Variants in GFOD1 observed in about 807,000 individuals in gnomAD.
GFOD1 encodes Gfo/Idh/MocA-like oxidoreductase domain containing 1.
Under a neutral mutation model 25.4 loss-of-function variants are expected in GFOD1, and 9 were observed. That is an observed-to-expected ratio of 0.35 (90% confidence interval 0.21 to 0.62). GFOD1 has a LOEUF of 0.62. Ranked by LOEUF, GFOD1 falls within the 20% of genes least tolerant of loss-of-function variation. GFOD1 has a pLI of 0.72. For synonymous variants in GFOD1, 253 were observed against 245.6 expected (o/e 1.03, Z -0.28); for missense variants, 403 against 556.9 (o/e 0.72, Z 2.78).
chr6:13,372,461 C>T (rs922951480), intron 1 of GFOD1, among the ~76,000 whole-genome samples: 1 of 152,180 alleles, frequency 6.6e-6, no homozygotes, highest in Non-Finnish European at 1.5e-5. Context: ...GGCAGCTGCT[C>T]CCCTTATATC....
At chr6:13,409,901 C>T (rs1242532621) in intron 1 of GFOD1, among the ~76,000 whole-genome samples, 8 of 72,718 alleles carry the variant, frequency 1.1e-4, no homozygotes, top group South Asian at 6.0e-4. Context: ...CTAGCCTGGG[C>T]GACAGAGCGG....
At chr6:13,368,017 C>T (rs1785080312) in intron 1 of GFOD1, among the ~76,000 whole-genome samples, 1 of 152,156 alleles carries the variant, frequency 6.6e-6, no homozygotes, top group South Asian at 2.1e-4. Context: ...TGACAAAATC[C>T]ACGAACACTT....
At chr6:13,397,275 C>CTA (rs1785751503) in intron 1 of GFOD1, among the ~76,000 whole-genome samples, 1 of 152,208 alleles carries the variant, frequency 6.6e-6, no homozygotes, top group South Asian at 2.1e-4. Flanking sequence ...AAGCCTTACT[C>CTA]TAAAGCCCGG....
chr6:13,375,801 A>T (rs1042884588), intron 1 of GFOD1, among the ~76,000 whole-genome samples: 2 of 152,262 alleles, frequency 1.3e-5, no homozygotes, highest in South Asian at 2.1e-4. Context: ...ATTTTCTCAG[A>T]TTGCTTCGTG....
intron 1 of GFOD1, among the ~76,000 whole-genome samples, chr6:13,382,990 G>A (rs1031543764): frequency 1.8e-4 from 27 of 152,296 alleles, no homozygotes; most frequent in African/African-American, 5.8e-4. Context: ...CCCTGCAAAG[G>A]ACATGATCTC....
At chr6:13,476,957 C>T (rs895263701) in intron 1 of GFOD1, among the ~76,000 whole-genome samples, 7 of 152,072 alleles carry the variant, frequency 4.6e-5, no homozygotes, top group Non-Finnish European at 5.9e-5. Flanking sequence ...GTGTGACAGC[C>T]TCTTTACCAA....
intron 1 of GFOD1, among the ~76,000 whole-genome samples, chr6:13,373,012 G>T (rs1002148897): frequency 6.6e-6 from 1 of 152,218 alleles, no homozygotes; most frequent in Non-Finnish European, 1.5e-5. Context: ...TTTGCAGAAG[G>T]TAGAGACGGC....
chr6:13,392,590 A>T (rs1785636356), intron 1 of GFOD1, among the ~76,000 whole-genome samples: 1 of 152,158 alleles, frequency 6.6e-6, no homozygotes, highest in South Asian at 2.1e-4. Flanking sequence ...TCTTCAGCAG[A>T]CCCTGTTGCT....
At chr6:13,421,930 A>G (rs16874145) in intron 1 of GFOD1, among the ~76,000 whole-genome samples, 1 of 152,218 alleles carries the variant, frequency 6.6e-6, no homozygotes, top group African/African-American at 2.4e-5. Context: ...GCTGCGTTTT[A>G]TCTCCAGAAA....
rs151319759 is a variant in GFOD1 at position 13,382,668 on chromosome 6, T to A, written c.254-17006A>T. Among the ~76,000 whole-genome samples the A allele has an allele frequency of 8.7e-3, 1,330 of 152,250 alleles. 21 individuals are homozygous for A. The highest frequency in any genetic ancestry group is 0.03 in the African/African-American group (1,238 of 41,528). ...AACCCCACAGACTTTTAAAAAAAAA[T>A]TTTATTTTAAGTTCCAGGGTACATG... is the stretch of plus-strand genomic sequence containing the variant. On this transcript the variant is annotated intron_variant, in intron 1 of 1. Transcript: ENST00000379287.
rs1463020494 is a variant in GFOD1 at position 13,360,080 on chromosome 6, C to A, written c.*4663G>T. On this transcript the variant is annotated 3_prime_UTR_variant, in exon 2 of 2. Transcript: ENST00000379287. Reference sequence around the variant, plus strand: ...AAGTCACTTCATCTCTCTGAGCCTCCTTTCCCTAGAGCTCTGGAGGTGCTA... The same window carrying A: ...AAGTCACTTCATCTCTCTGAGCCTCATTTCCCTAGAGCTCTGGAGGTGCTA... 1 of 152,760 alleles carries A rather than the reference C, an allele frequency of 6.5e-6. No homozygotes were observed. Among genetic ancestry groups the A allele is most frequent in the Non-Finnish European group, 1.5e-5 (1 of 68,502 alleles). 9.5% of individuals were successfully genotyped at this position (152,760 alleles called of 1,614,324 possible). A position where few individuals can be genotyped will look rare whatever the true frequency, so the allele number is the denominator to read the frequency against.
intron 1 of GFOD1, among the ~76,000 whole-genome samples, chr6:13,474,100 C>A (rs1011958426): frequency 2.0e-5 from 3 of 152,206 alleles, no homozygotes; most frequent in Non-Finnish European, 2.9e-5. Flanking sequence ...ATTTTTGCTG[C>A]CAGGCACGGT....
At chr6:13,405,378 A>G (rs1237632963) in intron 1 of GFOD1, among the ~76,000 whole-genome samples, 1 of 152,246 alleles carries the variant, frequency 6.6e-6, no homozygotes, top group Non-Finnish European at 1.5e-5. Context: ...TTTCCTTAAC[A>G]CAATATATCC....
chr6:13,459,101 T>C (rs1758244953), intron 1 of GFOD1, among the ~76,000 whole-genome samples: 1 of 152,136 alleles, frequency 6.6e-6, no homozygotes. Context: ...TCTGCTCTGA[T>C]GAGTGGGTTA....
chr6:13,461,967 T>A (rs1039520953), intron 1 of GFOD1, among the ~76,000 whole-genome samples: 2 of 152,164 alleles, frequency 1.3e-5, no homozygotes, highest in African/African-American at 4.8e-5. Context: ...GGCCTCAAGT[T>A]GAGAGGCAGC....
chr6:13,410,005 G>GTTTTTTTTTTTT (rs56252038), intron 1 of GFOD1, among the ~76,000 whole-genome samples: 1 of 121,598 alleles, frequency 8.2e-6, no homozygotes, highest in Non-Finnish European at 1.6e-5. Flanking sequence ...CGGATTTTTA[G>GTTTTTTTTTTTT]TTTTTTTTTT....
chr6:13,371,647 T>A (rs150811033), intron 1 of GFOD1, among the ~76,000 whole-genome samples: 7 of 152,322 alleles, frequency 4.6e-5, no homozygotes, highest in African/African-American at 1.4e-4. Context: ...TGAGAAAGTA[T>A]GTTTTGTGTT....
Position 13,365,746 on chromosome 6 carries a change from C to A in GFOD1, c.254-84G>T. 1.9e-6 allele frequency: 2 copies of A among 1,032,738 alleles called. No individual in the cohort carries two copies. Among genetic ancestry groups the A allele is most frequent in the African/African-American group, 1.6e-5 (1 of 62,854 alleles). 64.0% of individuals were successfully genotyped at this position (1,032,738 alleles called of 1,614,324 possible). A position where few individuals can be genotyped will look rare whatever the true frequency, so the allele number is the denominator to read the frequency against. On this transcript the variant is annotated intron_variant, in intron 1 of 1. Coordinates refer to ENST00000379287, the MANE Select transcript of GFOD1 (RefSeq NM_018988.4). The surrounding 1 kb of genome is among the most constrained non-coding windows in gnomAD (Gnocchi z 9.2). ...CTGGGTCAGATCTTAAAATATTTCACATTAATAGAAAAAGAAGGTCAGATG... is the reference window on the plus strand; with the variant it reads ...CTGGGTCAGATCTTAAAATATTTCAAATTAATAGAAAAAGAAGGTCAGATG...
chr6:13,400,924 C>G (rs922531062), intron 1 of GFOD1, among the ~76,000 whole-genome samples: 2 of 152,180 alleles, frequency 1.3e-5, no homozygotes, highest in Admixed American at 6.5e-5. Flanking sequence ...GTCATTGACT[C>G]TCAAGTACAG....
Sources: allele counts gnomAD v4.1 joint callset (sites outside exome capture counted in the v4.1 genomes callset), GRCh38; gene constraint gnomAD v4.1.1; non-coding constraint Gnocchi (gnomAD v3.1); transcripts MANE v1.5; gene names NCBI Gene and HGNC (gene_info 2026-07-23, HGNC 2026-07-21).